Variants in WDR64 observed in about 807,000 individuals in gnomAD.
WDR64 encodes the protein WD repeat-containing protein 64.
Under a neutral mutation model 139.3 loss-of-function variants are expected in WDR64, and 112 were observed. The observed-to-expected ratio is 0.80, with a 90% CI of 0.69 to 0.94. The LOEUF (loss-of-function observed/expected upper bound fraction) is 0.94, where lower values mean the gene tolerates loss of function less well. Among genes scored for constraint, WDR64 ranks in the 40% least tolerant of loss-of-function variants. The pLI is 0.00. For synonymous variants in WDR64, 444 were observed against 437.7 expected, an observed-to-expected ratio of 1.01 and a Z score of -0.18; for missense variants, 1,206 against 1,293.1, an observed-to-expected ratio of 0.93 and a Z score of 1.03.
Position 241,674,628 on chromosome 1 carries a change from A to G in WDR64, c.380-16A>G, listed in dbSNP as rs904960776. The G allele has an allele frequency of 6.7e-7, 1 of 1,495,358 alleles. No homozygotes were observed. The highest frequency in any genetic ancestry group is 1.4e-5 in the African/African-American group (1 of 71,258). The allele number at this position is 1,495,358 out of a possible 1,614,324, so 92.6% of individuals were successfully genotyped here. A position where few individuals can be genotyped will look rare whatever the true frequency, so the allele number is the denominator to read the frequency against. ...TTTACTGCTGAAAGTTGAAATGAAT[A>G]TTATGCTGTTGACAGGTAGTAGAAG... On this transcript the variant is annotated splice_polypyrimidine_tract_variant and intron_variant, in intron 3 of 27. Transcript: ENST00000437684.
chr1:241,674,917 C>T (rs1202961729), intron 4 of WDR64, among the ~76,000 whole-genome samples, 170 bp downstream of exon 4: 3 of 63,030 alleles, frequency 4.8e-5, no homozygotes, highest in Non-Finnish European at 1.1e-4. Context: ...TTATTCCTTC[C>T]TTCCTTCTTT....
intron 20 of WDR64, among the ~76,000 whole-genome samples, 167 bp from the exon 21 acceptor site, chr1:241,774,938 C>T (rs746587214): frequency 1.1e-4 from 17 of 152,046 alleles, no homozygotes; most frequent in Non-Finnish European, 2.2e-4. Context: ...AAATAAGTCC[C>T]TATGGATAGT....
At chr1:241,713,076 A>G (rs12093275) in intron 9 of WDR64, among the ~76,000 whole-genome samples, 6,069 of 150,532 alleles carry the variant, frequency 0.04, 407 homozygotes, top group African/African-American at 0.14. Flanking sequence ...GGAGGCTGAG[A>G]CAGGAGGATC....
At chr1:241,652,716 G>A (rs539978715) in intron 1 of WDR64, 87 bp downstream of exon 1, 2 of 1,463,222 alleles carry the variant, frequency 1.4e-6, no homozygotes, top group South Asian at 2.9e-5. Context: ...AAGCATCAGA[G>A]CTTAATGTGA....
intron 7 of WDR64, among the ~76,000 whole-genome samples, chr1:241,685,748 T>C (rs1666979820): frequency 6.6e-6 from 1 of 152,168 alleles, no homozygotes; most frequent in South Asian, 2.1e-4. Context: ...TGGCTCCATT[T>C]TCCATCCTTC....
rs181656707 is a variant in WDR64, at chr1:241,683,742, A to T, written c.839+41A>T. 300 of 1,415,428 alleles carry T rather than the reference A, an allele frequency of 2.1e-4. No individual in the cohort carries two copies. In the African/African-American group the frequency reaches 3.6e-3, roughly 17 times the overall value. 87.7% of individuals were successfully genotyped at this position (1,415,428 alleles called of 1,614,324 possible). A position where few individuals can be genotyped will look rare whatever the true frequency, so the allele number is the denominator to read the frequency against. ...AGTTAATTTAATTCTTTTAATAATT[A>T]TAGTCTTTTGCAAGTAAGCTTTATG... On this transcript the variant is annotated intron_variant, in intron 7 of 27. Coordinates refer to ENST00000437684, the MANE Select transcript of WDR64 (RefSeq NM_001367482.1).
rs753223169 is a variant in WDR64, at chr1:241,771,637, T to C, written c.2254-24T>C. 10 of 1,469,600 alleles carry C rather than the reference T, an allele frequency of 6.8e-6. No individual in the cohort carries two copies. In the African/African-American group the frequency reaches 1.3e-4, roughly 19 times the overall value. 91.0% of individuals were successfully genotyped at this position (1,469,600 alleles called of 1,614,324 possible). ...TTTCTTACAATGTCATGGAAGTCTTTTCTCTTTTCCTCCCATAATTCAGGG... is the reference window on the plus strand; with the variant it reads ...TTTCTTACAATGTCATGGAAGTCTTCTCTCTTTTCCTCCCATAATTCAGGG... On this transcript the variant is annotated intron_variant, in intron 18 of 27. Coordinates refer to ENST00000437684, the MANE Select transcript of WDR64 (RefSeq NM_001367482.1).
chr1:241,770,173 T>C (rs1436681491), intron 17 of WDR64, among the ~76,000 whole-genome samples: 1 of 152,166 alleles, frequency 6.6e-6, no homozygotes, highest in East Asian at 1.9e-4. Context: ...GGACTTATTC[T>C]GTAGACATCT....
At chr1:241,763,342 A>AT (rs979225460) in intron 15 of WDR64, among the ~76,000 whole-genome samples, 18 of 152,160 alleles carry the variant, frequency 1.2e-4, no homozygotes, top group African/African-American at 4.1e-4. Context: ...TTGAATCTTT[A>AT]TTTTTTGTAG....
At chr1:241,734,077 G>A (rs945955022) in intron 10 of WDR64, among the ~76,000 whole-genome samples, 1 of 152,250 alleles carries the variant, frequency 6.6e-6, no homozygotes, top group Non-Finnish European at 1.5e-5. Context: ...TCTATGCAAA[G>A]TCATCCCTCT....
intron 8 of WDR64, among the ~76,000 whole-genome samples, chr1:241,705,270 G>C (rs1055689514): frequency 6.6e-6 from 1 of 152,006 alleles, no homozygotes; most frequent in Non-Finnish European, 1.5e-5. Context: ...GGCCGGGCGG[G>C]GTGGCTCACG....
chr1:241,784,458 A>G (rs1023548044), intron 23 of WDR64, among the ~76,000 whole-genome samples: 1 of 152,158 alleles, frequency 6.6e-6, no homozygotes, highest in Admixed American at 6.6e-5. Context: ...CTCAAAGGGG[A>G]GGTAAGTGAT....
chr1:241,795,385 C>T (rs954434022), intron 26 of WDR64, 98 bp downstream of exon 26: 2 of 1,100,246 alleles, frequency 1.8e-6, no homozygotes, highest in African/African-American at 3.2e-5. Context: ...TGGAGAAAAT[C>T]ATACAGTCAG....
intron 1 of WDR64, among the ~76,000 whole-genome samples, chr1:241,654,480 T>C (rs370029581): frequency 7.9e-5 from 12 of 152,248 alleles, no homozygotes; most frequent in Admixed American, 2.6e-4. Context: ...TTGCACTAGA[T>C]TAACACTGTT....
Position 241,683,526 on chromosome 1 carries a change from C to CTGTG in WDR64, c.675_678dup (p.Val227CysfsTer6). The CTGTG allele has an allele frequency of 6.5e-7, 1 of 1,530,424 alleles. No homozygotes were observed. The highest frequency in any genetic ancestry group is 1.2e-5 in the South Asian group (1 of 82,046). 94.8% of individuals were successfully genotyped at this position (1,530,424 alleles called of 1,614,324 possible). ...CATAAAACCAATGGATCACTGCCTCCTGTGTGTGTGTGTGGTGCCTTTGCC... is the reference window on the plus strand; with the variant it reads ...CATAAAACCAATGGATCACTGCCTCCTGTGTGTGTGTGTGTGTGGTGCCTTTGCC... On this transcript the variant is annotated frameshift_variant, in exon 7 of 28. Coordinates refer to ENST00000437684, the MANE Select transcript of WDR64 (RefSeq NM_001367482.1). LOFTEE classifies it high-confidence loss of function.
chr1:241,706,877 T>C (rs1054534783), intron 8 of WDR64, among the ~76,000 whole-genome samples: 1 of 152,208 alleles, frequency 6.6e-6, no homozygotes, highest in African/African-American at 2.4e-5. Flanking sequence ...TTTCAAAAAA[T>C]ATGAGAGCTA....
At chr1:241,695,425 C>T (rs956177656) in intron 8 of WDR64, among the ~76,000 whole-genome samples, 29 of 152,200 alleles carry the variant, frequency 1.9e-4, no homozygotes, top group African/African-American at 4.8e-4. Context: ...AAAAATCAGT[C>T]GACCCACCCT....
chr1:241,728,773 G>A (rs1267149668), intron 10 of WDR64, among the ~76,000 whole-genome samples: 1 of 151,350 alleles, frequency 6.6e-6, no homozygotes, highest in Non-Finnish European at 1.5e-5. Context: ...GCAATGGTTG[G>A]AAACCTTCTC....
At chr1:241,771,466 T>A (rs1330073629) in intron 18 of WDR64, among the ~76,000 whole-genome samples, 195 bp from the exon 19 acceptor site, 1 of 152,150 alleles carries the variant, frequency 6.6e-6, no homozygotes, top group Admixed American at 6.6e-5. Context: ...GCTAGAAGAA[T>A]GTTGTGTTAT....
Sources: gnomAD v4.1 joint callset for allele counts (sites outside exome capture counted in the v4.1 genomes callset) on GRCh38, gnomAD v4.1.1 for gene constraint, MANE v1.5 for transcripts, NCBI Gene and HGNC (gene_info 2026-07-23, HGNC 2026-07-21) for gene names.